The following MELK variants were observed in gnomAD, a reference collection of about 807,000 sequenced individuals.
MELK encodes the protein maternal embryonic leucine zipper kinase.
In MELK, 81 loss-of-function variants were observed where a neutral mutation model predicts 85.0. The ratio of observed to expected loss-of-function variants is 0.95; its 90% CI spans 0.80 to 1.15. The LOEUF (loss-of-function observed/expected upper bound fraction) is 1.15. MELK is among the 50% of genes most tolerant of loss of function. The probability of loss-of-function intolerance (pLI) is 0.00; values close to 1 mark genes in which losing one functional copy is unlikely to be tolerated. For missense variants in MELK, 754 were observed against 777.5 expected, an observed-to-expected ratio of 0.97 and a Z score of 0.36; for synonymous variants, 252 against 265.0, an observed-to-expected ratio of 0.95 and a Z score of 0.48.
At position 36,633,053 on chromosome 9, in the gene MELK, G is replaced by A. The variant is rs371065264; in HGVS notation, c.736-49G>A. ...GTTTTCAGGAGGAAAGGTGTTCTATGTTCTCTATTTGAAATGTTAATCTCT... is the reference window on the plus strand; with the variant it reads ...GTTTTCAGGAGGAAAGGTGTTCTATATTCTCTATTTGAAATGTTAATCTCT... On this transcript the variant is annotated intron_variant, in intron 9 of 17. Coordinates refer to ENST00000298048, the MANE Select transcript of MELK (RefSeq NM_014791.4). 97 of 1,308,784 alleles carry A rather than the reference G, an allele frequency of 7.4e-5. No homozygotes were observed. In the South Asian group the frequency reaches 1.0e-3, roughly 14 times the overall value. The allele number at this position is 1,308,784 out of a possible 1,614,324, so 81.1% of individuals were successfully genotyped here.
In MELK at chr9:36,657,294, G is replaced by A. The variant is rs534025446; in HGVS notation, c.1107G>A (p.Ala369=). Residue 369 remains alanine, a synonymous_variant, in exon 13 of 18, where the codon GCG becomes GCA. Transcript: ENST00000298048. The stretch of plus-strand genomic sequence containing the variant: ...CCGCAAGTGATAAAAATTATGTGGC[G>A]GGATTAATAGACTATGATTGGTGTG... The part of the protein sequence containing the change: ...DVTASDKNYV[A]GLIDYDWCED... 1.3e-5 allele frequency: 21 copies of A among 1,613,510 alleles called. No homozygotes were observed. Among genetic ancestry groups the A allele is most frequent in the South Asian group, 9.9e-5 (9 of 90,912 alleles).
At chr9:36,617,938 C>T (rs770384566) in intron 8 of MELK, among the ~76,000 whole-genome samples, 20 of 151,590 alleles carry the variant, frequency 1.3e-4, no homozygotes, top group Non-Finnish European at 2.4e-4. Context: ...CCAGCCTGGG[C>T]AACATCGTGA....
chr9:36,599,878 GC>G (rs1212336683), intron 7 of MELK, among the ~76,000 whole-genome samples: 1 of 152,182 alleles, frequency 6.6e-6, no homozygotes, highest in African/African-American at 2.4e-5. Context: ...AAGGCCAGCA[GC>G]CCTGTGTAGG....
chr9:36,597,329 A>G lies in MELK; in HGVS notation c.474+39A>G, dbSNP rs746639985. The stretch of plus-strand genomic sequence containing the variant: ...TAAGATGCATCTATGTTCTTTGTAA[A>G]TGCATTTATTTCTTAGTGTGTGATT... On this transcript the variant is annotated intron_variant, in intron 6 of 17. Coordinates refer to ENST00000298048, the MANE Select transcript of MELK (RefSeq NM_014791.4). The G allele has an allele frequency of 1.9e-6, 3 of 1,539,084 alleles. No homozygotes were observed. The East Asian group carries it at 6.8e-5, about 35-fold the overall frequency.
chr9:36,620,534 C>T (rs1827291706), intron 8 of MELK, among the ~76,000 whole-genome samples: 2 of 150,834 alleles, frequency 1.3e-5, no homozygotes, highest in Non-Finnish European at 3.0e-5. Flanking sequence ...TTGTTTCAGC[C>T]TAGCATTCTC....
intron 8 of MELK, among the ~76,000 whole-genome samples, chr9:36,619,077 G>A (rs939930984): frequency 6.6e-6 from 1 of 151,624 alleles, no homozygotes; most frequent in Non-Finnish European, 1.5e-5. Context: ...TCCTGCCTCA[G>A]CCTCCCAAGT....
In MELK at chr9:36,583,659, A is replaced by G. The variant is rs767018563; in HGVS notation, c.91A>G (p.Ile31Val). 2.5e-6 allele frequency: 4 copies of G among 1,612,922 alleles called. No individual in the cohort carries two copies. The change falls in exon 3 of 18, where the codon ATC becomes GTC. Residue 31 changes from isoleucine (I) to valine (V), a missense_variant. Physicochemically the swap from Ile to Val is conservative, Grantham distance 29 (BLOSUM62 3). Transcript: ENST00000298048. ...TGCAAAGGTCAAACTTGCCTGCCAT[A>G]TCCTTACTGGAGAGATGGTAGCTAT... ...GFAKVKLACH[I>V]LTGEMVAIKI...
chr9:36,636,489 C>T (rs548171047), intron 10 of MELK, among the ~76,000 whole-genome samples: 2 of 151,766 alleles, frequency 1.3e-5, no homozygotes, highest in East Asian at 1.9e-4. Flanking sequence ...GCAACATGAG[C>T]GAAACTCCGC....
At chr9:36,626,895 G>T (rs1231662804) in intron 8 of MELK, among the ~76,000 whole-genome samples, 1 of 151,136 alleles carries the variant, frequency 6.6e-6, no homozygotes, top group East Asian at 1.9e-4. Context: ...GGAGGCAGAG[G>T]CTGCAGTGAG....
At chr9:36,633,915 G>A (rs1328780823) in intron 10 of MELK, among the ~76,000 whole-genome samples, 1 of 152,202 alleles carries the variant, frequency 6.6e-6, no homozygotes, top group East Asian at 1.9e-4. Context: ...TAGCCATTCA[G>A]ACAGTTTCTG....
At chr9:36,644,996 C>T (rs1444812451) in intron 11 of MELK, among the ~76,000 whole-genome samples, 3 of 151,828 alleles carry the variant, frequency 2.0e-5, no homozygotes, top group Non-Finnish European at 2.9e-5. Context: ...AAGCCGGGCG[C>T]GGTGGCTCAT....
At chr9:36,671,266 T>C (rs1245909194) in intron 16 of MELK, 100 bp downstream of exon 16, 3 of 1,263,032 alleles carry the variant, frequency 2.4e-6, no homozygotes, top group Non-Finnish European at 3.1e-6. Flanking sequence ...TGTTTTTTAT[T>C]TGAGTATTTA....
chr9:36,622,383 G>C (rs1361355079), intron 8 of MELK, among the ~76,000 whole-genome samples: 1 of 152,156 alleles, frequency 6.6e-6, no homozygotes, highest in Non-Finnish European at 1.5e-5. Flanking sequence ...ACTTTCCTCA[G>C]TTCTTGGTTT....
chr9:36,636,818 T>TG (rs1829254412), intron 10 of MELK, among the ~76,000 whole-genome samples: 1 of 132,878 alleles, frequency 7.5e-6, no homozygotes, highest in African/African-American at 3.3e-5. Flanking sequence ...CTTTCTTTCT[T>TG]TCTGTCTTTC....
At chr9:36,636,728 ATTTCTTTCTTTCTTTC>A (rs74181197) in intron 10 of MELK, among the ~76,000 whole-genome samples, 29 of 101,024 alleles carry the variant, frequency 2.9e-4, no homozygotes, top group East Asian at 6.0e-4. Flanking sequence ...TAGCAACTGG[ATTTCTTTCTTTCTTTC>A]TTTCTTTCTT....
At chr9:36,624,160 T>C (rs961608794) in intron 8 of MELK, among the ~76,000 whole-genome samples, 5 of 151,078 alleles carry the variant, frequency 3.3e-5, no homozygotes, top group Non-Finnish European at 4.4e-5. Context: ...CTCGGCTCAC[T>C]GTAACCTCCA....
At chr9:36,632,928 C>G (rs777917422) in intron 9 of MELK, among the ~76,000 whole-genome samples, 174 bp from the exon 10 acceptor site, 1 of 152,096 alleles carries the variant, frequency 6.6e-6, no homozygotes, top group Non-Finnish European at 1.5e-5. Flanking sequence ...GTTTTCTTGC[C>G]TCTGTTGCCT....
intron 13 of MELK, among the ~76,000 whole-genome samples, chr9:36,661,812 C>T (rs113328435): frequency 0.035 from 5,323 of 151,956 alleles, 300 homozygotes; most frequent in African/African-American, 0.12. Flanking sequence ...TGGCGGGCAC[C>T]TCTAGTCCCA....
At chr9:36,590,322 T>C (rs1222943089) in intron 4 of MELK, among the ~76,000 whole-genome samples, 1 of 152,206 alleles carries the variant, frequency 6.6e-6, no homozygotes, top group South Asian at 2.1e-4. Context: ...CTGACAGTTC[T>C]GGAGGTTTGA....
Sources: gnomAD v4.1 joint callset for allele counts (sites outside exome capture counted in the v4.1 genomes callset) on GRCh38, gnomAD v4.1.1 for gene constraint, MANE v1.5 for transcripts, NCBI Gene and HGNC (gene_info 2026-07-23, HGNC 2026-07-21) for gene names.